Variants in OTOG observed in about 807,000 individuals in gnomAD.
The protein encoded by OTOG is otogelin.
A neutral mutation model predicts 313.8 loss-of-function variants in OTOG; 296 were observed. The observed-to-expected ratio is 0.94, with a 90% CI of 0.86 to 1.04. OTOG has a LOEUF of 1.04. Ranked by LOEUF, OTOG falls within the 50% of genes least tolerant of loss-of-function variation. The pLI, the probability that OTOG is intolerant of heterozygous loss-of-function variation, is 0.00. For synonymous variants in OTOG, 1,533 were observed against 1,554.9 expected (o/e 0.99, Z 0.33); for missense variants, 3,948 against 3,840.1 (o/e 1.03, Z -0.74).
chr11:17,558,129 C>T, intron 8 of OTOG, 56 bp from the exon 9 acceptor site: 1 of 1,542,748 alleles, frequency 6.5e-7, no homozygotes, highest in South Asian at 1.2e-5. Flanking sequence ...CCTTCTGTCC[C>T]TCCCATCCAC....
chr11:17,642,850 A>G (rs1202395141), intron 53 of OTOG, among the ~76,000 whole-genome samples: 1 of 152,168 alleles, frequency 6.6e-6, no homozygotes, highest in African/African-American at 2.4e-5. Context: ...AATGACACTC[A>G]TACACACACC....
chr11:17,631,613 A>T, intron 40 of OTOG, 89 bp from the exon 41 acceptor site: 1 of 1,099,514 alleles, frequency 9.1e-7, no homozygotes, highest in Non-Finnish European at 1.3e-6. Flanking sequence ...TTGACCTCAA[A>T]GAACTGTGAG....
intron 30 of OTOG, among the ~76,000 whole-genome samples, chr11:17,599,108 G>C (rs1853181294): frequency 6.6e-6 from 1 of 152,232 alleles, no homozygotes; most frequent in Non-Finnish European, 1.5e-5. Context: ...TAGGGGAACA[G>C]GGTGTGGTGC....
At chr11:17,548,461 G>A (rs1592057097) in intron 3 of OTOG, among the ~76,000 whole-genome samples, 2 of 102,950 alleles carry the variant, frequency 1.9e-5, no homozygotes, top group African/African-American at 7.8e-5. Context: ...TTTTTTAGGA[G>A]AGGTGGGCAC....
intron 33 of OTOG, 151 bp from the exon 34 acceptor site, chr11:17,608,145 C>A: frequency 1.8e-6 from 1 of 554,616 alleles, no homozygotes; most frequent in Non-Finnish European, 3.1e-6. Flanking sequence ...CCACCATGAA[C>A]GCAGTTTCTC....
chr11:17,604,859 T>C (rs1036785121), intron 32 of OTOG, among the ~76,000 whole-genome samples: 2 of 152,258 alleles, frequency 1.3e-5, no homozygotes, highest in African/African-American at 4.8e-5. Context: ...TAGCGAGTCA[T>C]GTGTAAACAG....
chr11:17,550,799 A>G (rs1851915311), intron 3 of OTOG, among the ~76,000 whole-genome samples: 1 of 152,302 alleles, frequency 6.6e-6, no homozygotes, highest in Middle Eastern at 3.4e-3. Flanking sequence ...TCGACTGGGT[A>G]AGGATTGCTC....
intron 27 of OTOG, 145 bp downstream of exon 27, chr11:17,593,901 C>T: frequency 7.2e-7 from 1 of 1,394,960 alleles, no homozygotes; most frequent in Non-Finnish European, 9.7e-7. Flanking sequence ...CCCTTCTCCT[C>T]TGACATTGCT....
chr11:17,588,823 C>A (rs1852866121), intron 24 of OTOG, among the ~76,000 whole-genome samples: 1 of 151,862 alleles, frequency 6.6e-6, no homozygotes, highest in Admixed American at 6.6e-5. Flanking sequence ...CCGTTCCCAA[C>A]AACTCACCCA....
intron 39 of OTOG, among the ~76,000 whole-genome samples, chr11:17,617,308 A>G (rs1271283431): frequency 6.6e-6 from 1 of 152,104 alleles, no homozygotes; most frequent in Non-Finnish European, 1.5e-5. Flanking sequence ...TAGCAGAGTA[A>G]TGCTGGCCTC....
At chr11:17,568,458 G>T (rs1418343035) in intron 15 of OTOG, among the ~76,000 whole-genome samples, 1 of 152,174 alleles carries the variant, frequency 6.6e-6, no homozygotes, top group East Asian at 1.9e-4. Context: ...TTACAGCACT[G>T]ATCACAATTA....
At chr11:17,553,637 C>T in intron 6 of OTOG, 118 bp downstream of exon 6, 1 of 981,588 alleles carries the variant, frequency 1.0e-6, no homozygotes. Flanking sequence ...TTGCATCGCC[C>T]CCCAGCTCCC....
At chr11:17,638,700 T>C in intron 48 of OTOG, 151 bp downstream of exon 48, 3 of 1,524,736 alleles carry the variant, frequency 2.0e-6, no homozygotes, top group Non-Finnish European at 1.8e-6. Context: ...ACCTTCCTTC[T>C]GCATCCGCAC....
In OTOG at chr11:17,610,090, G is replaced by A; in HGVS notation, c.4790G>A (p.Gly1597Glu). The A allele has an allele frequency of 1.3e-6, 2 of 1,550,514 alleles. No homozygotes were observed. Among genetic ancestry groups the A allele is most frequent in the South Asian group, 1.2e-5 (1 of 84,056 alleles). ...ETTRVTVIFA[G>E]SPNITVSSRS... is the part of the protein sequence containing the mutation. The stretch of plus-strand genomic sequence containing the variant: ...ACAAGGGTGACTGTGATCTTTGCAG[G>A]AAGCCCTAACATCACAGTCTCCTCC... The change falls in exon 36 of 56, where the codon GGA becomes GAA. Residue 1597 changes from glycine (G) to glutamate (E), a missense_variant. By Grantham distance (98) the Gly-to-Glu change is moderately conservative. Transcript: ENST00000399397.
intron 3 of OTOG, among the ~76,000 whole-genome samples, chr11:17,548,416 CTCTTTTTTTTTTTTTTTTTTTTTTT>C (rs1343156819): frequency 1.1e-5 from 1 of 89,616 alleles, no homozygotes; most frequent in East Asian, 3.6e-4. Flanking sequence ...CTATAGTCCA[CTCTTTTTTTTTTTTTTTTTTTTTTT>C]TTTTTTTTTT....
At chr11:17,576,661 C>G in intron 21 of OTOG, 31 bp downstream of exon 21, 1 of 1,529,182 alleles carries the variant, frequency 6.5e-7, no homozygotes, top group Non-Finnish European at 8.9e-7. Context: ...CCTTCTTGTC[C>G]TCTCTTTAAA....
chr11:17,591,669 G>A, intron 25 of OTOG, 81 bp downstream of exon 25: 2 of 1,495,752 alleles, frequency 1.3e-6, no homozygotes, highest in Admixed American at 2.0e-5. Context: ...CCAGTTTGAT[G>A]CAGAATTGGG....
At chr11:17,608,943 G>A (rs1413728299) in intron 34 of OTOG, among the ~76,000 whole-genome samples, 187 bp from the exon 35 acceptor site, 1 of 152,108 alleles carries the variant, frequency 6.6e-6, no homozygotes, top group Non-Finnish European at 1.5e-5. Flanking sequence ...ATACACATTG[G>A]GTGTGTGTGC....
At chr11:17,613,201 T>TTCTTTCTTTCTC (rs1206697806) in intron 38 of OTOG, among the ~76,000 whole-genome samples, 1 of 86,546 alleles carries the variant, frequency 1.2e-5, no homozygotes, top group Non-Finnish European at 2.3e-5. Context: ...TTTCTTTTCT[T>TTCTTTCTTTCTC]TCTTTCTTTC....
Sources: allele counts gnomAD v4.1 joint callset (sites outside exome capture counted in the v4.1 genomes callset), GRCh38; gene constraint gnomAD v4.1.1; transcripts MANE v1.5; gene names NCBI Gene and HGNC (gene_info 2026-07-23, HGNC 2026-07-21).